Variants in AP3B1 observed in about 807,000 individuals in gnomAD.
AP3B1 encodes the protein AP-3 complex subunit beta-1.
A neutral mutation model predicts 132.5 loss-of-function variants in AP3B1; 61 were observed. The ratio of observed to expected loss-of-function variants is 0.46; its 90% CI spans 0.37 to 0.57. The LOEUF (loss-of-function observed/expected upper bound fraction) is 0.57, where lower values mean the gene tolerates loss of function less well. AP3B1 is among the 20% of genes least tolerant of loss of function. The pLI is 0.00. For synonymous variants in AP3B1, 388 were observed against 438.3 expected (o/e 0.89, Z 1.43); for missense variants, 1,120 against 1,289.4 (o/e 0.87, Z 2.01).
chr5:78,282,948 G>T (rs540230119), intron 1 of AP3B1, among the ~76,000 whole-genome samples: 2 of 151,970 alleles, frequency 1.3e-5, no homozygotes, highest in East Asian at 3.9e-4. Flanking sequence ...CCAGGAGTAA[G>T]CCATGATAGG....
intron 14 of AP3B1, among the ~76,000 whole-genome samples, chr5:78,150,783 T>A (rs1035225672): frequency 1.4e-4 from 21 of 152,138 alleles, no homozygotes; most frequent in Non-Finnish European, 2.6e-4. Context: ...TTATTTTTTT[T>A]TTACATAATT....
chr5:78,175,587 A>G (rs765547268), intron 11 of AP3B1, 39 bp downstream of exon 11: 1 of 1,519,052 alleles, frequency 6.6e-7, no homozygotes, highest in South Asian at 1.1e-5. Flanking sequence ...CTTCAAAACA[A>G]ATGTGTTAAA....
intron 17 of AP3B1, among the ~76,000 whole-genome samples, chr5:78,123,661 C>A (rs1003387396): frequency 4.6e-5 from 7 of 152,068 alleles, no homozygotes; most frequent in Non-Finnish European, 1.5e-5. Context: ...CCATCTCACA[C>A]CAGTTAGAAT....
chr5:78,126,356 T>G (rs1024957983), intron 17 of AP3B1, among the ~76,000 whole-genome samples: 1 of 151,474 alleles, frequency 6.6e-6, no homozygotes, highest in African/African-American at 2.4e-5. Flanking sequence ...AATACAAAAA[T>G]TAGCCAAGCA....
chr5:78,064,016 A>AG (rs1168386378), intron 22 of AP3B1, among the ~76,000 whole-genome samples: 1 of 151,608 alleles, frequency 6.6e-6, no homozygotes. Context: ...AAGTACTTGC[A>AG]GGGGGGGTCG....
In AP3B1 at chr5:78,080,309, T is replaced by C. The variant is rs551065098; in HGVS notation, c.2577+9084A>G. Among the ~76,000 whole-genome samples, 3 of 152,292 alleles carry C rather than the reference T, an allele frequency of 2.0e-5. No homozygotes were observed. The South Asian group carries it at 6.2e-4, about 32-fold the overall frequency. On this transcript the variant is annotated intron_variant, in intron 22 of 26. Coordinates refer to ENST00000255194, the MANE Select transcript of AP3B1 (RefSeq NM_003664.5). The stretch of plus-strand genomic sequence containing the variant: ...CAGGTGTGAGCCACTGTGCCCAGCC[T>C]GTGATGTTTCTTACTATTGTTTTTG...
At chr5:78,012,898 G>A (rs1375934226) in intron 26 of AP3B1, among the ~76,000 whole-genome samples, 1 of 152,156 alleles carries the variant, frequency 6.6e-6, no homozygotes. Context: ...GGTATTACAG[G>A]TATTACATTC....
intron 11 of AP3B1, among the ~76,000 whole-genome samples, chr5:78,172,313 T>G (rs1743951805): frequency 6.6e-6 from 1 of 152,218 alleles, no homozygotes; most frequent in African/African-American, 2.4e-5. Context: ...TCAGAAGGAA[T>G]GGCACCAGCT....
downstream of AP3B1, chr5:78,001,355 G>C (rs1427671755): frequency 6.6e-6 from 1 of 152,184 alleles, no homozygotes; most frequent in Non-Finnish European, 1.5e-5. Flanking sequence ...CGATTACAAA[G>C]GGGCTTTTGG....
intron 24 of AP3B1, among the ~76,000 whole-genome samples, chr5:78,022,330 T>A (rs944635759): frequency 2.6e-5 from 4 of 151,940 alleles, no homozygotes; most frequent in Non-Finnish European, 5.9e-5. Flanking sequence ...CTACCTTAGG[T>A]ATGTGGAAAG....
At chr5:78,167,259 T>C (rs772498017) in intron 11 of AP3B1, among the ~76,000 whole-genome samples, 10 of 151,998 alleles carry the variant, frequency 6.6e-5, no homozygotes, top group Non-Finnish European at 1.3e-4. Context: ...CACTACTTAT[T>C]AGGGAAATGC....
intron 7 of AP3B1, among the ~76,000 whole-genome samples, chr5:78,191,993 T>C (rs982287533): frequency 6.6e-6 from 1 of 151,996 alleles, no homozygotes; most frequent in African/African-American, 2.4e-5. Flanking sequence ...CCTGAGTAGC[T>C]AGGGTTACAG....
intron 22 of AP3B1, chr5:78,043,851 G>C (rs1748202997): frequency 2.8e-6 from 1 of 363,562 alleles, no homozygotes; most frequent in African/African-American, 2.1e-5. Flanking sequence ...GACTTTGGTA[G>C]ACACAGGCAT....
chr5:78,250,617 T>A (rs1455481373), intron 2 of AP3B1, among the ~76,000 whole-genome samples: 1 of 151,772 alleles, frequency 6.6e-6, no homozygotes, highest in Non-Finnish European at 1.5e-5. Flanking sequence ...AGGAAAAAAA[T>A]AACAGGGCAT....
intron 1 of AP3B1, among the ~76,000 whole-genome samples, chr5:78,292,545 G>C (rs1230423725): frequency 6.6e-6 from 1 of 152,126 alleles, no homozygotes; most frequent in African/African-American, 2.4e-5. Context: ...CTACCTTTGT[G>C]GCCTTTTCCA....
Position 78,100,915 on chromosome 5 carries a change from C to T in AP3B1, c.2470+38G>A, listed in dbSNP as rs1454662627. On this transcript the variant is annotated intron_variant, in intron 21 of 26. Coordinates refer to ENST00000255194, the MANE Select transcript of AP3B1 (RefSeq NM_003664.5). ...ACTATAAAAATAAAAAATACTCTTA[C>T]TAAACACAGAAGAAATATTTTAAAT... 4 of 1,261,618 alleles carry T rather than the reference C, an allele frequency of 3.2e-6. No individual in the cohort carries two copies. In the East Asian group the frequency reaches 7.3e-5, roughly 23 times the overall value. 78.2% of individuals were successfully genotyped at this position (1,261,618 alleles called of 1,614,324 possible).
intron 15 of AP3B1, among the ~76,000 whole-genome samples, chr5:78,136,092 T>C (rs1243035581): frequency 2.0e-5 from 3 of 152,106 alleles, no homozygotes; most frequent in Non-Finnish European, 4.4e-5. Context: ...AATCAGTAGT[T>C]TTTTTTCCTA....
chr5:78,159,413 A>G (rs1269716902), intron 13 of AP3B1, among the ~76,000 whole-genome samples: 1 of 152,210 alleles, frequency 6.6e-6, no homozygotes, highest in Non-Finnish European at 1.5e-5. Flanking sequence ...TCAGAAGTCT[A>G]ACATAGGTCT....
chr5:78,233,280 C>A (rs1371100415), intron 3 of AP3B1, among the ~76,000 whole-genome samples: 1 of 148,874 alleles, frequency 6.7e-6, no homozygotes, highest in Admixed American at 6.7e-5. Context: ...GTTGCCCAGG[C>A]TGGAGTGCAA....
Sources: gnomAD v4.1 joint callset for allele counts (sites outside exome capture counted in the v4.1 genomes callset) on GRCh38, gnomAD v4.1.1 for gene constraint, MANE v1.5 for transcripts, NCBI Gene and HGNC (gene_info 2026-07-23, HGNC 2026-07-21) for gene names.